CDC123: variants seen among roughly 807,000 people sequenced by gnomAD.
The protein encoded by CDC123 is cell division cycle 123.
Under a neutral mutation model 54.4 loss-of-function variants are expected in CDC123, and 37 were observed. The observed-to-expected ratio is 0.68, with a 90% CI of 0.52 to 0.89. The LOEUF is 0.89. Among genes scored for constraint, CDC123 ranks in the 40% least tolerant of loss-of-function variants. The pLI, the probability that CDC123 is intolerant of heterozygous loss-of-function variation, is 0.00. For synonymous variants in CDC123, 144 were observed against 136.8 expected (o/e 1.05, Z -0.37); for missense variants, 361 against 412.1 (o/e 0.88, Z 1.07).
intron 6 of CDC123, among the ~76,000 whole-genome samples, chr10:12,225,916 C>G (rs1397881926): frequency 1.3e-5 from 2 of 152,080 alleles, no homozygotes; most frequent in African/African-American, 4.8e-5. Flanking sequence ...CGGCCTTCTG[C>G]AGTGTTTGTG....
At chr10:12,200,119 C>CTTTTTTTTTTTTTTT in intron 2 of CDC123, among the ~76,000 whole-genome samples, 1 of 24,282 alleles carries the variant, frequency 4.1e-5, no homozygotes, top group Non-Finnish European at 9.1e-5. Context: ...CCGCACTCGG[C>CTTTTTTTTTTTTTTT]ATTTTTTTTT....
At chr10:12,203,894 A>T (rs1481582045) in intron 2 of CDC123, among the ~76,000 whole-genome samples, 1 of 152,068 alleles carries the variant, frequency 6.6e-6, no homozygotes, top group African/African-American at 2.4e-5. Context: ...GGAGATGGAG[A>T]CCAGTCTGGC....
At chr10:12,243,175 G>T (rs2131767719) in intron 10 of CDC123, among the ~76,000 whole-genome samples, 1 of 151,990 alleles carries the variant, frequency 6.6e-6, no homozygotes, top group Non-Finnish European at 1.5e-5. Context: ...TAGGCGGGCA[G>T]ATCACCTGAG....
chr10:12,212,525 A>T (rs1208371657), intron 4 of CDC123, among the ~76,000 whole-genome samples: 1 of 152,250 alleles, frequency 6.6e-6, no homozygotes, highest in East Asian at 1.9e-4. Context: ...TTTTAAAAAG[A>T]CTGACTATCA....
At chr10:12,232,233 T>G (rs1228605861) in intron 7 of CDC123, among the ~76,000 whole-genome samples, 1 of 152,174 alleles carries the variant, frequency 6.6e-6, no homozygotes, top group East Asian at 1.9e-4. Context: ...TTTAGAAACT[T>G]TGACGGCTCA....
intron 10 of CDC123, chr10:12,244,677 T>C (rs1303321378): frequency 6.8e-6 from 1 of 146,184 alleles, no homozygotes; most frequent in African/African-American, 2.5e-5. Flanking sequence ...GTCCCCTTCA[T>C]ATGCTGTCAA....
intron 6 of CDC123, among the ~76,000 whole-genome samples, chr10:12,229,339 C>T (rs968350219): frequency 2.6e-5 from 4 of 152,328 alleles, no homozygotes; most frequent in African/African-American, 9.6e-5. Flanking sequence ...AAGTCCAAGT[C>T]CCCTGGGTGG....
At chr10:12,227,661 C>G (rs1169587859) in intron 6 of CDC123, among the ~76,000 whole-genome samples, 5 of 151,976 alleles carry the variant, frequency 3.3e-5, no homozygotes, top group African/African-American at 1.2e-4. Context: ...CCATGCCCAG[C>G]TAATTTTTGT....
intron 6 of CDC123, among the ~76,000 whole-genome samples, chr10:12,223,276 T>C (rs935878360): frequency 2.6e-5 from 4 of 151,768 alleles, no homozygotes; most frequent in Admixed American, 2.6e-4. Context: ...TTCGTTTATG[T>C]ATTTTATTTT....
rs1421211716 is a variant in CDC123 at position 12,207,472 on chromosome 10, T to C, written c.147-2495T>C. The stretch of plus-strand genomic sequence containing the variant: ...TTTTTTCTCTCCTTTTTGAAAACGT[T>C]TTTCATCTTGGAGTTTTTTGTCTGT... On this transcript the variant is annotated intron_variant, in intron 2 of 12. Transcript: ENST00000281141. Among the ~76,000 whole-genome samples, 4 of 152,192 alleles carry C rather than the reference T, an allele frequency of 2.6e-5. No individual in the cohort carries two copies. The East Asian group carries it at 7.7e-4, about 29-fold the overall frequency.
chr10:12,209,094 T>A, intron 2 of CDC123, among the ~76,000 whole-genome samples: 1 of 152,208 alleles, frequency 6.6e-6, no homozygotes, highest in East Asian at 1.9e-4. Context: ...CTTTCTCATA[T>A]ACTGAGGTTC....
intron 6 of CDC123, among the ~76,000 whole-genome samples, chr10:12,219,748 A>C (rs1296142007): frequency 6.7e-6 from 1 of 148,374 alleles, no homozygotes; most frequent in Non-Finnish European, 1.5e-5. Flanking sequence ...GCAGTGGTGC[A>C]ATCTTGGCTC....
chr10:12,250,052 T>G, intron 12 of CDC123: 1 of 475,666 alleles, frequency 2.1e-6, no homozygotes, highest in Non-Finnish European at 3.7e-6. Context: ...CAAGAGGGGA[T>G]GTGAATATTT....
chr10:12,231,550 G>A (rs571096694), intron 7 of CDC123, among the ~76,000 whole-genome samples: 3 of 151,378 alleles, frequency 2.0e-5, no homozygotes, highest in Admixed American at 1.3e-4. Flanking sequence ...GCTTGAACCC[G>A]GGAGGTGGAG....
rs182397733 is a variant in CDC123, at chr10:12,197,147, C to A, written c.74+828C>A. Among the ~76,000 whole-genome samples the A allele has an allele frequency of 2.6e-5, 4 of 152,244 alleles. No individual in the cohort carries two copies. The East Asian group carries it at 5.8e-4, about 22-fold the overall frequency. ...GGAATGTGTGGTAGAACCTTAGATTCATTGTACTTAACAATTTCGCTTGTT... is the reference window on the plus strand; with the variant it reads ...GGAATGTGTGGTAGAACCTTAGATTAATTGTACTTAACAATTTCGCTTGTT... On this transcript the variant is annotated intron_variant, in intron 1 of 12. Transcript: ENST00000281141.
Position 12,246,348 on chromosome 10 carries a change from G to A in CDC123, c.846+71G>A, listed in dbSNP as rs150878504. 1,004 of 1,553,686 alleles carry A rather than the reference G, an allele frequency of 6.5e-4. 3 individuals are homozygous for A. The Middle Eastern group carries it at 7.1e-3, about 11-fold the overall frequency. ...CTGACTGACTGCTTGTTCTTCAGAC[G>A]CATAGGTAGGCGGCAATGGCCAGGA... is the stretch of plus-strand genomic sequence containing the variant. On this transcript the variant is annotated intron_variant, in intron 11 of 12. Coordinates refer to ENST00000281141, the MANE Select transcript of CDC123 (RefSeq NM_006023.3).
intron 6 of CDC123, among the ~76,000 whole-genome samples, chr10:12,218,078 G>A (rs555514264): frequency 6.6e-6 from 1 of 151,940 alleles, no homozygotes; most frequent in East Asian, 1.9e-4. Flanking sequence ...GCGACAGAGC[G>A]AGACTCCATC....
intron 9 of CDC123, among the ~76,000 whole-genome samples, chr10:12,237,889 C>T (rs1427511926): frequency 6.6e-6 from 1 of 152,140 alleles, no homozygotes; most frequent in African/African-American, 2.4e-5. Context: ...AAGACAGCAC[C>T]AGTTACAAAG....
At chr10:12,196,449 G>A (rs953951137) in intron 1 of CDC123, 130 bp downstream of exon 1, 1 of 1,225,466 alleles carries the variant, frequency 8.2e-7, no homozygotes, top group Non-Finnish European at 1.2e-6. Context: ...CGAGAGGGAA[G>A]TACATCAGCA....
Sources: allele counts gnomAD v4.1 joint callset (sites outside exome capture counted in the v4.1 genomes callset), GRCh38; gene constraint gnomAD v4.1.1; transcripts MANE v1.5; gene names NCBI Gene and HGNC (gene_info 2026-07-23, HGNC 2026-07-21).